CCSER1: variants seen among roughly 807,000 people sequenced by gnomAD.
CCSER1 encodes coiled-coil serine rich protein 1.
A neutral mutation model predicts 82.0 loss-of-function variants in CCSER1; 41 were observed. The observed-to-expected ratio is 0.50, with a 90% CI of 0.39 to 0.65. The LOEUF (loss-of-function observed/expected upper bound fraction) is 0.65. Ranked by LOEUF, CCSER1 falls within the 30% of genes least tolerant of loss-of-function variation. The pLI, the probability that CCSER1 is intolerant of heterozygous loss-of-function variation, is 0.00. For missense variants in CCSER1, 1,119 were observed against 1,064.2 expected, an observed-to-expected ratio of 1.05 and a Z score of -0.72; for synonymous variants, 414 against 383.9, an observed-to-expected ratio of 1.08 and a Z score of -0.92.
chr4:91,270,210 G>A (rs1741913529), intron 10 of CCSER1, among the ~76,000 whole-genome samples: 1 of 152,074 alleles, frequency 6.6e-6, no homozygotes, highest in Non-Finnish European at 1.5e-5. Context: ...GTCTAACACT[G>A]TTTTGCTTTT....
chr4:90,351,542 TAAC>T (rs1247328056), intron 3 of CCSER1, among the ~76,000 whole-genome samples: 2 of 152,100 alleles, frequency 1.3e-5, no homozygotes, highest in Non-Finnish European at 2.9e-5. Context: ...CCACTTATAA[TAAC>T]AAAAATTTTT....
At chr4:90,356,258 C>A (rs1380493295) in intron 3 of CCSER1, among the ~76,000 whole-genome samples, 1 of 151,770 alleles carries the variant, frequency 6.6e-6, no homozygotes, top group African/African-American at 2.4e-5. Context: ...AGTCTTATAA[C>A]ATTTCTTCCA....
intron 10 of CCSER1, among the ~76,000 whole-genome samples, chr4:91,201,882 G>A (rs1735929308): frequency 6.6e-6 from 1 of 151,928 alleles, no homozygotes; most frequent in African/African-American, 2.4e-5. Context: ...ACAATAAGGA[G>A]CCAAATATGG....
intron 10 of CCSER1, among the ~76,000 whole-genome samples, chr4:91,195,492 C>T (rs866246237): frequency 2.6e-5 from 4 of 152,086 alleles, no homozygotes; most frequent in Admixed American, 2.0e-4. Flanking sequence ...ATTACAGAAC[C>T]TTCCTCAGGG....
intron 3 of CCSER1, among the ~76,000 whole-genome samples, chr4:90,343,383 A>G (rs2153505793): frequency 6.6e-6 from 1 of 152,274 alleles, no homozygotes; most frequent in Non-Finnish European, 1.5e-5. Flanking sequence ...GGTGGAGGCC[A>G]AGGTGGATGG....
At chr4:91,309,834 A>G (rs1204591717) in intron 10 of CCSER1, among the ~76,000 whole-genome samples, 2 of 151,960 alleles carry the variant, frequency 1.3e-5, no homozygotes, top group Admixed American at 6.6e-5. Flanking sequence ...ACGTTAGTGT[A>G]TTAGTTTCCC....
intron 5 of CCSER1, among the ~76,000 whole-genome samples, chr4:90,518,114 A>G (rs1168196315): frequency 1.3e-5 from 2 of 152,150 alleles, no homozygotes; most frequent in East Asian, 3.9e-4. Flanking sequence ...TTCCAGAGTT[A>G]GTTGGAATGA....
At chr4:90,905,309 A>G (rs1415167223) in intron 8 of CCSER1, among the ~76,000 whole-genome samples, 1 of 151,886 alleles carries the variant, frequency 6.6e-6, no homozygotes, top group Non-Finnish European at 1.5e-5. Flanking sequence ...CATTTTGTAG[A>G]GCCTACAATT....
chr4:91,098,194 T>C (rs1319264975), intron 10 of CCSER1, among the ~76,000 whole-genome samples: 1 of 152,246 alleles, frequency 6.6e-6, no homozygotes, highest in Non-Finnish European at 1.5e-5. Context: ...GGAATTATTT[T>C]ATTCTGATAG....
At chr4:90,142,279 C>A (rs1234712854) in intron 1 of CCSER1, among the ~76,000 whole-genome samples, 1 of 152,196 alleles carries the variant, frequency 6.6e-6, no homozygotes, top group Non-Finnish European at 1.5e-5. Context: ...TTATGCAAAT[C>A]TCAGCTGTCA....
chr4:90,229,419 C>T (rs1232361563), intron 1 of CCSER1, among the ~76,000 whole-genome samples: 1 of 152,008 alleles, frequency 6.6e-6, no homozygotes, highest in Non-Finnish European at 1.5e-5. Flanking sequence ...CAAGCAAATG[C>T]TGAGAGATTT....
chr4:91,509,709 TCA>T (rs1235818060), intron 10 of CCSER1, among the ~76,000 whole-genome samples: 2 of 152,250 alleles, frequency 1.3e-5, no homozygotes, highest in Admixed American at 6.5e-5. Flanking sequence ...TTAAATTCTT[TCA>T]GTTTTTTTGT....
chr4:91,061,242 T>C (rs987177862), intron 9 of CCSER1, among the ~76,000 whole-genome samples: 5 of 151,866 alleles, frequency 3.3e-5, no homozygotes, highest in African/African-American at 7.3e-5. Flanking sequence ...AAATGACTTA[T>C]GTAATACTGT....
intron 9 of CCSER1, 44 bp from the exon 10 acceptor site, chr4:91,085,906 A>G (rs928842827): frequency 4.6e-6 from 5 of 1,084,422 alleles, no homozygotes; most frequent in Non-Finnish European, 2.7e-6. Flanking sequence ...TTATTATTTA[A>G]TTCTTCGTTG....
intron 1 of CCSER1, among the ~76,000 whole-genome samples, chr4:90,282,463 A>T (rs1278726613): frequency 6.6e-6 from 1 of 150,946 alleles, no homozygotes; most frequent in Non-Finnish European, 1.5e-5. Flanking sequence ...TACATATATT[A>T]TTGTTATTGT....
At position 91,319,019 on chromosome 4, in the gene CCSER1, A is replaced by C. The variant is rs1746011916; in HGVS notation, c.2217+233025A>C. On this transcript the variant is annotated intron_variant, in intron 10 of 10. Transcript: ENST00000509176. ...AGATGATTTTGAGATGTTTCCTGAC[A>C]ATCAGGAAGATAACTTTAGGTTCCT... 2.2e-5 allele frequency: 4 copies of C among 179,118 alleles called. No homozygotes were observed. The Admixed American group carries it at 2.5e-4, about 11-fold the overall frequency. 11.1% of individuals were successfully genotyped at this position (179,118 alleles called of 1,614,324 possible). A position where few individuals can be genotyped will look rare whatever the true frequency, so the allele number is the denominator to read the frequency against.
At chr4:90,607,026 A>C (rs1439034059) in intron 5 of CCSER1, among the ~76,000 whole-genome samples, 1 of 152,188 alleles carries the variant, frequency 6.6e-6, no homozygotes, top group Admixed American at 6.5e-5. Context: ...AATCATAATA[A>C]TCATTGCTAG....
intron 10 of CCSER1, among the ~76,000 whole-genome samples, chr4:91,168,453 G>C (rs1446696657): frequency 6.7e-6 from 1 of 149,532 alleles, no homozygotes; most frequent in Admixed American, 6.7e-5. Flanking sequence ...TGTCTGGGAA[G>C]CAGGGAGCAC....
At position 90,216,508 on chromosome 4, in the gene CCSER1, C is replaced by T. The variant is rs144639936; in HGVS notation, c.-42+88677C>T. On this transcript the variant is annotated intron_variant, in intron 1 of 10. Coordinates refer to ENST00000509176, the MANE Select transcript of CCSER1 (RefSeq NM_001145065.2). Reference sequence around the variant, plus strand: ...GAGCAACTTATATTAAAGATGTGCACATTACAGTTCTGTATTAGATATCAT... The same window carrying T: ...GAGCAACTTATATTAAAGATGTGCATATTACAGTTCTGTATTAGATATCAT... Among the ~76,000 whole-genome samples the T allele has an allele frequency of 2.8e-3, 432 of 152,290 alleles. 1 individual carries two copies. Among genetic ancestry groups the T allele is most frequent in the South Asian group, 0.01 (50 of 4,824 alleles).
Sources: gnomAD v4.1 joint callset for allele counts (sites outside exome capture counted in the v4.1 genomes callset) on GRCh38, gnomAD v4.1.1 for gene constraint, MANE v1.5 for transcripts, NCBI Gene and HGNC (gene_info 2026-07-23, HGNC 2026-07-21) for gene names.